Variants in SSPN observed in about 807,000 individuals in gnomAD.
The protein encoded by SSPN is sarcospan.
A neutral mutation model predicts 19.1 loss-of-function variants in SSPN; 15 were observed. The observed-to-expected ratio is 0.78, with a 90% CI of 0.52 to 1.21. The LOEUF (loss-of-function observed/expected upper bound fraction) is 1.21. SSPN is among the 50% of genes most tolerant of loss of function. The pLI, the probability that SSPN is intolerant of heterozygous loss-of-function variation, is 0.00. For missense variants in SSPN, 291 were observed against 314.0 expected (o/e 0.93, Z 0.55); for synonymous variants, 147 against 140.3 (o/e 1.05, Z -0.34).
intron 1 of SSPN, among the ~76,000 whole-genome samples, chr12:26,185,378 G>C (rs1469960287): frequency 6.6e-6 from 1 of 152,130 alleles, no homozygotes; most frequent in Non-Finnish European, 1.5e-5. Flanking sequence ...GACAGGCATG[G>C]GATTCCTAAA....
At chr12:26,124,944 C>A (rs1252779995) in intron 1 of SSPN, 2 of 733,716 alleles carry the variant, frequency 2.7e-6, no homozygotes, top group South Asian at 1.5e-5. Flanking sequence ...TGGTCCCCCC[C>A]CTCCACCGCG....
At chr12:26,158,816 T>C (rs775878342) in intron 1 of SSPN, among the ~76,000 whole-genome samples, 1 of 152,250 alleles carries the variant, frequency 6.6e-6, no homozygotes, top group Non-Finnish European at 1.5e-5. Context: ...CTCAGCTGAA[T>C]GCTAGTACAA....
At chr12:26,140,482 G>A (rs1591846368) in intron 1 of SSPN, among the ~76,000 whole-genome samples, 3 of 152,190 alleles carry the variant, frequency 2.0e-5, no homozygotes, top group African/African-American at 7.2e-5. Context: ...TATTGAGAGA[G>A]TGGACCTGGT....
chr12:26,180,509 C>T (rs1477210070), intron 1 of SSPN: 1 of 152,204 alleles, frequency 6.6e-6, no homozygotes, highest in Non-Finnish European at 1.5e-5. Context: ...AATCTCATGC[C>T]ACAAAATATA....
In SSPN at chr12:26,231,250, ATT is replaced by A; in HGVS notation, c.*181_*182del. On this transcript the variant is annotated 3_prime_UTR_variant, in exon 3 of 3. Transcript: ENST00000242729. ...GAGCATTTCTTCAGGTTTCTATTGT[ATT>A]TTTTTTAACATTCTTGCAGAGAAAG... is the stretch of plus-strand genomic sequence containing the variant. 1 of 1,050,712 alleles carries A rather than the reference ATT, an allele frequency of 9.5e-7. No homozygotes were observed. The highest frequency in any genetic ancestry group is 1.3e-6 in the Non-Finnish European group (1 of 774,146). The allele number at this position is 1,050,712 out of a possible 1,614,324, so 65.1% of individuals were successfully genotyped here.
chr12:26,129,522 G>A (rs973557560), intron 1 of SSPN, among the ~76,000 whole-genome samples: 3 of 152,200 alleles, frequency 2.0e-5, no homozygotes, highest in African/African-American at 7.2e-5. Context: ...CTCACCAGAA[G>A]CCAGTATGAC....
At chr12:26,133,838 T>C (rs980035209) in intron 1 of SSPN, among the ~76,000 whole-genome samples, 2 of 152,010 alleles carry the variant, frequency 1.3e-5, no homozygotes, top group East Asian at 1.9e-4. Flanking sequence ...TCTGGAAAAA[T>C]GTGGTTCCAA....
chr12:26,204,528 T>G (rs75859481), intron 1 of SSPN, among the ~76,000 whole-genome samples: 16,969 of 59,584 alleles, frequency 0.28, 1,232 homozygotes, highest in Non-Finnish European at 0.4. Context: ...GATGCAAAGG[T>G]GGCTGGCTGA....
chr12:26,135,649 A>G (rs371735624), intron 1 of SSPN, among the ~76,000 whole-genome samples: 1 of 152,282 alleles, frequency 6.6e-6, no homozygotes, highest in East Asian at 1.9e-4. Context: ...ACTTGCAAAA[A>G]CACATAGCTC....
chr12:26,141,915 CAT>C (rs1326274054), intron 1 of SSPN, among the ~76,000 whole-genome samples: 2 of 152,130 alleles, frequency 1.3e-5, no homozygotes, highest in African/African-American at 4.8e-5. Flanking sequence ...AAAAGGGACT[CAT>C]ATGGGGAGTC....
chr12:26,180,352 T>C (rs1944711271), intron 1 of SSPN: 2 of 152,148 alleles, frequency 1.3e-5, no homozygotes, highest in Admixed American at 1.3e-4. Flanking sequence ...AGCGAGATTT[T>C]TTTTCTTGTC....
chr12:26,183,870 C>T (rs1490026836), intron 1 of SSPN, among the ~76,000 whole-genome samples: 1 of 152,132 alleles, frequency 6.6e-6, no homozygotes. Context: ...TGGTCATCAC[C>T]CCAAATTGTA....
At chr12:26,141,363 A>G (rs1419054749) in intron 1 of SSPN, among the ~76,000 whole-genome samples, 3 of 152,198 alleles carry the variant, frequency 2.0e-5, no homozygotes, top group African/African-American at 7.2e-5. Flanking sequence ...AAAGCCTCCA[A>G]AAAGGAGTGC....
At chr12:26,140,033 C>T (rs1420267293) in intron 1 of SSPN, among the ~76,000 whole-genome samples, 1 of 152,208 alleles carries the variant, frequency 6.6e-6, no homozygotes, top group East Asian at 1.9e-4. Flanking sequence ...TCAATATCAT[C>T]TTTATGCTGA....
chr12:26,137,636 G>GTGTATATATATATATATATATATA (rs1555175653), intron 1 of SSPN, among the ~76,000 whole-genome samples: 11 of 31,376 alleles, frequency 3.5e-4, no homozygotes, highest in Admixed American at 2.1e-3. Flanking sequence ...GTGTGTGTAT[G>GTGTATATATATATATATATATATA]TATATATATA....
Position 26,122,308 on chromosome 12 carries a change from CGGCGGCTGCCGCGGCTGCCGCCGG to C in SSPN, c.-31+162_-31+185del, listed in dbSNP as rs1466897849. The C allele has an allele frequency of 1.2e-5, 14 of 1,159,610 alleles. No homozygotes were observed. The African/African-American group carries it at 2.2e-4, about 18-fold the overall frequency. The allele number at this position is 1,159,610 out of a possible 1,614,324, so 71.8% of individuals were successfully genotyped here. A position where few individuals can be genotyped will look rare whatever the true frequency, so the allele number is the denominator to read the frequency against. On this transcript the variant is annotated intron_variant, in intron 1 of 2. Coordinates refer to the SSPN transcript ENST00000538142. ...GCGGCGGCGGCGGCGGCAGCGGCGG[CGGCGGCTGCCGCGGCTGCCGCCGG>C]GGCGGGGATGCCGGGGTATAGCAGC...
In SSPN at chr12:26,123,264, AT is replaced by A. The variant is rs1412455115; in HGVS notation, c.-31+1113del. The stretch of plus-strand genomic sequence containing the variant: ...CATCTGCTTATCACGTGGGCCCTGC[AT>A]CGACTAAAGTGATCTCGGTTTTTCC... On this transcript the variant is annotated intron_variant, in intron 1 of 2. Coordinates refer to the SSPN transcript ENST00000538142. 6.3e-5 allele frequency: 90 copies of A among 1,423,046 alleles called. No individual in the cohort carries two copies. In the African/African-American group the frequency reaches 1.2e-3, roughly 19 times the overall value. The allele number at this position is 1,423,046 out of a possible 1,614,324, so 88.2% of individuals were successfully genotyped here. A position where few individuals can be genotyped will look rare whatever the true frequency, so the allele number is the denominator to read the frequency against.
Position 26,232,301 on chromosome 12 carries a change from T to G in SSPN, c.*1225T>G, listed in dbSNP as rs1945242643. 1.0e-6 allele frequency: 1 copy of G among 985,428 alleles called. No homozygotes were observed. The highest frequency in any genetic ancestry group is 1.2e-6 in the Non-Finnish European group (1 of 829,922). 61.0% of individuals were successfully genotyped at this position (985,428 alleles called of 1,614,324 possible). ...TATGGCCTTGACTTGGAGGGTAGTT[T>G]TAGTTGTTTTGTTTTTAAGTGACTG... On this transcript the variant is annotated 3_prime_UTR_variant, in exon 3 of 3. Coordinates refer to ENST00000242729, the MANE Select transcript of SSPN (RefSeq NM_005086.5).
At chr12:26,201,620 G>A (rs1302662773) in intron 1 of SSPN, among the ~76,000 whole-genome samples, 1 of 151,772 alleles carries the variant, frequency 6.6e-6, no homozygotes, top group Middle Eastern at 3.4e-3. Flanking sequence ...AAAAAAATGA[G>A]GAGAAGCAGC....
Sources: gnomAD v4.1 joint callset for allele counts (sites outside exome capture counted in the v4.1 genomes callset) on GRCh38, gnomAD v4.1.1 for gene constraint, MANE v1.5 for transcripts, NCBI Gene and HGNC (gene_info 2026-07-23, HGNC 2026-07-21) for gene names.